The following EDNRA variants were observed in gnomAD, a reference collection of about 807,000 sequenced individuals.
EDNRA encodes endothelin-1 receptor.
A neutral mutation model predicts 41.4 loss-of-function variants in EDNRA; 11 were observed. That is an observed-to-expected ratio of 0.27 (90% confidence interval 0.17 to 0.44). EDNRA has a LOEUF of 0.44. Ranked by LOEUF, EDNRA falls within the 20% of genes least tolerant of loss-of-function variation. The probability of loss-of-function intolerance (pLI) is 1.00; values close to 1 mark genes in which losing one functional copy is unlikely to be tolerated. For missense variants in EDNRA, 294 were observed against 531.0 expected (o/e 0.55, Z 4.39); for synonymous variants, 172 against 183.0 (o/e 0.94, Z 0.49).
intron 1 of EDNRA, among the ~76,000 whole-genome samples, chr4:147,485,149 A>C (rs1176214206): frequency 2.1e-5 from 3 of 140,568 alleles, no homozygotes; most frequent in African/African-American, 8.0e-5. Flanking sequence ...TCAGGTTCTT[A>C]TCAGCCTGAA....
intron 4 of EDNRA, among the ~76,000 whole-genome samples, chr4:147,532,999 G>GTATT (rs1448822347): frequency 7.1e-6 from 1 of 141,184 alleles, no homozygotes; most frequent in African/African-American, 2.9e-5. Flanking sequence ...GTGTGTGTGT[G>GTATT]TGTGTATGTG....
rs1731198459 is a variant in EDNRA, at chr4:147,543,896, T to C, written c.*1278T>C. ...ACCCCAACATCTCCCTCCCACATTG[T>C]CACCATTTCAAAGGGCCCACAGTGA... On this transcript the variant is annotated 3_prime_UTR_variant, in exon 8 of 8. Transcript: ENST00000651419. The C allele has an allele frequency of 6.6e-6, 1 of 152,608 alleles. No individual in the cohort carries two copies. Among genetic ancestry groups the C allele is most frequent in the Non-Finnish European group, 1.5e-5 (1 of 68,028 alleles). 9.5% of individuals were successfully genotyped at this position (152,608 alleles called of 1,614,324 possible). A position where few individuals can be genotyped will look rare whatever the true frequency, so the allele number is the denominator to read the frequency against.
intron 5 of EDNRA, among the ~76,000 whole-genome samples, chr4:147,538,858 G>T (rs1359357334): frequency 6.6e-6 from 1 of 152,170 alleles, no homozygotes; most frequent in Non-Finnish European, 1.5e-5. Flanking sequence ...GGTTGAGCCA[G>T]CATTACCCTT....
intron 3 of EDNRA, among the ~76,000 whole-genome samples, 168 bp from the exon 4 acceptor site, chr4:147,532,338 A>C (rs1408931207): frequency 2.0e-5 from 3 of 150,754 alleles, no homozygotes; most frequent in Non-Finnish European, 4.4e-5. Flanking sequence ...AAAAAAAAAA[A>C]AAAAAAAAAA....
chr4:147,494,892 A>C (rs1013586251), intron 2 of EDNRA: 1 of 152,190 alleles, frequency 6.6e-6, no homozygotes, highest in African/African-American at 2.4e-5. Context: ...ACAGTGGCTC[A>C]TGCTTGTAAT....
chr4:147,535,746 C>T (rs894372827), intron 4 of EDNRA, 131 bp from the exon 5 acceptor site: 1 of 1,164,770 alleles, frequency 8.6e-7, no homozygotes, highest in African/African-American at 1.6e-5. Flanking sequence ...AAACCCATCA[C>T]TGCAACCAGA....
intron 2 of EDNRA, among the ~76,000 whole-genome samples, chr4:147,507,045 T>C (rs1169638663): frequency 1.3e-5 from 2 of 152,174 alleles, no homozygotes; most frequent in African/African-American, 4.8e-5. Context: ...TATTAGCTTT[T>C]AGCATGTAAA....
chr4:147,487,522 C>A (rs1728990460), intron 2 of EDNRA, among the ~76,000 whole-genome samples: 1 of 152,060 alleles, frequency 6.6e-6, no homozygotes, highest in Non-Finnish European at 1.5e-5. Context: ...AGGTAATATT[C>A]TGAAATATTA....
At chr4:147,532,484 G>A (rs1209536233) in intron 3 of EDNRA, 22 bp from the exon 4 acceptor site, 1 of 1,611,348 alleles carries the variant, frequency 6.2e-7, no homozygotes, top group African/African-American at 1.3e-5. Context: ...TAACAACTTG[G>A]TTCCATTACC....
At chr4:147,528,870 A>C (rs972703884) in intron 3 of EDNRA, among the ~76,000 whole-genome samples, 1 of 152,124 alleles carries the variant, frequency 6.6e-6, no homozygotes, top group South Asian at 2.1e-4. Flanking sequence ...ACCTGTAGGC[A>C]TTCTCACAGG....
intron 3 of EDNRA, among the ~76,000 whole-genome samples, chr4:147,532,253 G>A (rs1252586897): frequency 1.3e-5 from 2 of 149,770 alleles, no homozygotes; most frequent in African/African-American, 2.5e-5. Flanking sequence ...GTGAACCTGG[G>A]AGGCGGAGCT....
At chr4:147,528,629 C>T (rs1036645725) in intron 3 of EDNRA, among the ~76,000 whole-genome samples, 4 of 152,016 alleles carry the variant, frequency 2.6e-5, no homozygotes, top group East Asian at 1.9e-4. Flanking sequence ...CCATCGCACC[C>T]GGCTGGGAAC....
At chr4:147,517,871 C>T (rs1007639389) in intron 2 of EDNRA, among the ~76,000 whole-genome samples, 1 of 152,058 alleles carries the variant, frequency 6.6e-6, no homozygotes, top group Non-Finnish European at 1.5e-5. Context: ...TGAGAGAATC[C>T]ATGTTCATTT....
intron 3 of EDNRA, among the ~76,000 whole-genome samples, chr4:147,524,483 A>G (rs994414243): frequency 3.3e-5 from 5 of 152,214 alleles, no homozygotes; most frequent in Admixed American, 3.3e-4. Context: ...ATTCTTAGTT[A>G]AAAAGAAAGG....
At chr4:147,504,957 C>CAAAAAAAG (rs546724102) in intron 2 of EDNRA, among the ~76,000 whole-genome samples, 4 of 39,046 alleles carry the variant, frequency 1.0e-4, no homozygotes, top group African/African-American at 4.7e-4. Context: ...GACCCTGTCT[C>CAAAAAAAG]AAAAAAAAAA....
chr4:147,504,334 G>A (rs183285674), intron 2 of EDNRA, among the ~76,000 whole-genome samples: 5 of 152,196 alleles, frequency 3.3e-5, no homozygotes, highest in Admixed American at 1.3e-4. Flanking sequence ...TGCATAGATC[G>A]TTTACATAAG....
At chr4:147,542,056 G>C (rs1731121044) in intron 7 of EDNRA, among the ~76,000 whole-genome samples, 1 of 152,034 alleles carries the variant, frequency 6.6e-6, no homozygotes, top group Non-Finnish European at 1.5e-5. Flanking sequence ...TAAAATGGGG[G>C]AATAGCATAA....
At chr4:147,529,398 G>A (rs538288656) in intron 3 of EDNRA, among the ~76,000 whole-genome samples, 23 of 152,248 alleles carry the variant, frequency 1.5e-4, no homozygotes, top group Non-Finnish European at 2.8e-4. Flanking sequence ...TTAAAGCCAC[G>A]AGACTAGATG....
chr4:147,522,074 T>C (rs974599372), intron 3 of EDNRA, among the ~76,000 whole-genome samples: 1 of 152,116 alleles, frequency 6.6e-6, no homozygotes, highest in African/African-American at 2.4e-5. Flanking sequence ...TAGGCTGAAA[T>C]CACTTTGAAT....
Sources: gnomAD v4.1 joint callset for allele counts (sites outside exome capture counted in the v4.1 genomes callset) on GRCh38, gnomAD v4.1.1 for gene constraint, MANE v1.5 for transcripts, NCBI Gene and HGNC (gene_info 2026-07-23, HGNC 2026-07-21) for gene names.